Variants in SIN3B observed in about 807,000 individuals in gnomAD.
SIN3B encodes SIN3 transcription regulator family member B.
A neutral mutation model predicts 120.2 loss-of-function variants in SIN3B; 19 were observed. The ratio of observed to expected loss-of-function variants is 0.16; its 90% CI spans 0.11 to 0.23. The LOEUF (loss-of-function observed/expected upper bound fraction) is 0.23. Ranked by LOEUF, SIN3B falls within the 10% of genes least tolerant of loss-of-function variation. SIN3B has a pLI of 1.00. For synonymous variants in SIN3B, 654 were observed against 653.2 expected (o/e 1.00, Z -0.02); for missense variants, 1,073 against 1,573.0 (o/e 0.68, Z 5.38).
Position 16,831,519 on chromosome 19 carries a change from C to T in SIN3B, c.253C>T (p.Arg85Cys), listed in dbSNP as rs1568410542. ...CATCGATACTCCTGGAGTCATCAGA[C>T]GTGTCTCGCAGCTCTTCCACGAGCA... is the stretch of plus-strand genomic sequence containing the variant. ...QSIDTPGVIR[R>C]VSQLFHEHPD... Residue 85 changes from arginine (R) to cysteine (C), a missense_variant, in exon 3 of 19, where the codon CGT becomes TGT. Physicochemically the swap from Arg to Cys is radical, Grantham distance 180. Around this residue, in one of 7 missense-constraint regions of SIN3B, gnomAD observed 395 missense variants for 528.0 expected, o/e 0.75. Transcript: ENST00000248054. 1.2e-6 allele frequency: 2 copies of T among 1,613,994 alleles called. No individual in the cohort carries two copies.
At chr19:16,836,713 C>T (rs1439625220) in intron 3 of SIN3B, among the ~76,000 whole-genome samples, 5 of 152,144 alleles carry the variant, frequency 3.3e-5, no homozygotes, top group African/African-American at 4.8e-5. Flanking sequence ...TCTCAGCTAG[C>T]GGGTCCTCTT....
intron 7 of SIN3B, 54 bp from the exon 8 acceptor site, chr19:16,854,089 C>A: frequency 7.2e-7 from 1 of 1,394,616 alleles, no homozygotes; most frequent in Non-Finnish European, 1.0e-6. Flanking sequence ...GTGAGCCAGG[C>A]CCAGAGGCTG....
At chr19:16,875,198 GGTCTGGTCT>G (rs1330568374) in intron 14 of SIN3B, among the ~76,000 whole-genome samples, 2 of 141,498 alleles carry the variant, frequency 1.4e-5, no homozygotes, top group Non-Finnish European at 3.0e-5. Context: ...GGTCTGGTCT[GGTCTGGTCT>G]GTCTGGTCTG....
At chr19:16,850,513 A>G (rs1971530868) in intron 5 of SIN3B, among the ~76,000 whole-genome samples, 1 of 152,046 alleles carries the variant, frequency 6.6e-6, no homozygotes, top group African/African-American at 2.4e-5. Context: ...GCCAGCCCAT[A>G]GTATCTGATC....
At chr19:16,833,735 C>CT (rs1971309121) in intron 3 of SIN3B, among the ~76,000 whole-genome samples, 1 of 149,596 alleles carries the variant, frequency 6.7e-6, no homozygotes, top group Non-Finnish European at 1.5e-5. Flanking sequence ...TTTTTTTTGC[C>CT]TTTTTTGAGA....
chr19:16,871,324 C>T lies in SIN3B; in HGVS notation c.2518C>T (p.Leu840=). The change falls in exon 14 of 19, where the codon CTA becomes TTA. Residue 840 remains leucine (L), a synonymous_variant. Transcript: ENST00000248054. ...CGACCCCACGCAGTACGAGGACACCCTACGCGAGATGTTCACCATCCATGC... is the reference window on the plus strand; with the variant it reads ...CGACCCCACGCAGTACGAGGACACCTTACGCGAGATGTTCACCATCCATGC... The part of the protein sequence containing the change: ...SIDPTQYEDT[L]REMFTIHAYV... The T allele has an allele frequency of 6.2e-7, 1 of 1,614,028 alleles. No homozygotes were observed. Among genetic ancestry groups the T allele is most frequent in the Non-Finnish European group, 8.5e-7 (1 of 1,179,932 alleles).
intron 3 of SIN3B, among the ~76,000 whole-genome samples, chr19:16,835,218 A>G (rs1245526676): frequency 1.4e-5 from 2 of 139,874 alleles, no homozygotes; most frequent in African/African-American, 5.4e-5. Flanking sequence ...GAGCCACTGC[A>G]CCTGGCCATC....
intron 14 of SIN3B, chr19:16,872,445 T>G (rs546627171): frequency 1.3e-5 from 2 of 150,806 alleles, no homozygotes; most frequent in Non-Finnish European, 3.0e-5. Context: ...TTTCTTCTTC[T>G]TCTTTTTTTT....
chr19:16,863,820 T>G, intron 10 of SIN3B, 24 bp downstream of exon 10: 1 of 1,542,426 alleles, frequency 6.5e-7, no homozygotes, highest in Non-Finnish European at 9.0e-7. Flanking sequence ...TGTGGCCGGG[T>G]CCCCCGGCAT....
chr19:16,852,773 T>C (rs544516956), intron 6 of SIN3B, among the ~76,000 whole-genome samples: 1 of 152,298 alleles, frequency 6.6e-6, no homozygotes, highest in Admixed American at 6.5e-5. Flanking sequence ...TCTGAGATTG[T>C]CGTAGCCAGG....
At chr19:16,867,296 T>G (rs1599609496) in intron 12 of SIN3B, among the ~76,000 whole-genome samples, 1 of 152,354 alleles carries the variant, frequency 6.6e-6, no homozygotes, top group East Asian at 1.9e-4. Flanking sequence ...TTGCCTGGGC[T>G]GGTCGCAGGG....
chr19:16,852,643 T>C (rs779921661), intron 6 of SIN3B, among the ~76,000 whole-genome samples: 10 of 152,230 alleles, frequency 6.6e-5, no homozygotes, highest in Non-Finnish European at 1.3e-4. Context: ...CAAGTCCAGC[T>C]TAGAGACAAA....
chr19:16,876,432 T>A lies in SIN3B; in HGVS notation c.2767-54T>A. The A allele has an allele frequency of 6.3e-7, 1 of 1,576,672 alleles. No homozygotes were observed. The highest frequency in any genetic ancestry group is 8.7e-7 in the Non-Finnish European group (1 of 1,150,176). On this transcript the variant is annotated intron_variant, in intron 15 of 18. Coordinates refer to ENST00000248054, the MANE Select transcript of SIN3B (RefSeq NM_001297595.2). This position sits in a 1 kb window ranked among gnomAD's most constrained non-coding sequence, Gnocchi z 7.1. ...GGCGGGTGGCCTTGCGAGCCTGCGC[T>A]GTGCCGGCTGGGCTGTGCCGGCAGT...
At chr19:16,831,822 A>G (rs1024652465) in intron 3 of SIN3B, among the ~76,000 whole-genome samples, 175 bp downstream of exon 3, 1 of 152,184 alleles carries the variant, frequency 6.6e-6, no homozygotes, top group African/African-American at 2.4e-5. Flanking sequence ...AAACACCTAC[A>G]CAAGCAGCCT....
At chr19:16,834,533 G>GT (rs1475958122) in intron 3 of SIN3B, among the ~76,000 whole-genome samples, 1 of 152,162 alleles carries the variant, frequency 6.6e-6, no homozygotes. Context: ...CATCGACTTG[G>GT]GGAAAGGCTT....
chr19:16,831,911 T>C (rs1971283781), intron 3 of SIN3B, among the ~76,000 whole-genome samples: 1 of 152,200 alleles, frequency 6.6e-6, no homozygotes, highest in Non-Finnish European at 1.5e-5. Flanking sequence ...CGCAGAATTT[T>C]GTGTGAAGTC....
chr19:16,829,948 G>C, intron 2 of SIN3B, 51 bp downstream of exon 2: 1 of 1,318,676 alleles, frequency 7.6e-7, no homozygotes, highest in Non-Finnish European at 1.1e-6. Context: ...GGCCGGAATC[G>C]GGCCTAGCGG....
At chr19:16,837,791 G>A (rs1023624716) in intron 3 of SIN3B, among the ~76,000 whole-genome samples, 1 of 152,138 alleles carries the variant, frequency 6.6e-6, no homozygotes, top group Non-Finnish European at 1.5e-5. Flanking sequence ...CAGTGAGAGT[G>A]AGAAGTCTGG....
intron 3 of SIN3B, among the ~76,000 whole-genome samples, chr19:16,841,317 C>T (rs546430622): frequency 6.6e-6 from 1 of 152,262 alleles, no homozygotes; most frequent in South Asian, 2.1e-4. Flanking sequence ...CTCTAACCTC[C>T]AGGGTCCCCA....
Sources: allele counts gnomAD v4.1 joint callset (sites outside exome capture counted in the v4.1 genomes callset), GRCh38; gene constraint gnomAD v4.1.1; regional missense constraint gnomAD v4.1.1; non-coding constraint Gnocchi (gnomAD v3.1); transcripts MANE v1.5; gene names NCBI Gene and HGNC (gene_info 2026-07-23, HGNC 2026-07-21).